Variants in TTC3 observed in about 807,000 individuals in gnomAD.
TTC3 encodes tetratricopeptide repeat domain 3.
In TTC3, 180 loss-of-function variants were observed where a neutral mutation model predicts 249.6. The observed-to-expected ratio is 0.72, with a 90% confidence interval of 0.64 to 0.82. The LOEUF is 0.82. TTC3 is among the 40% of genes least tolerant of loss of function. The pLI, the probability that TTC3 is intolerant of heterozygous loss-of-function variation, is 0.00. For synonymous variants in TTC3, 717 were observed against 805.0 expected, an observed-to-expected ratio of 0.89 and a Z score of 1.85; for missense variants, 2,061 against 2,398.4, an observed-to-expected ratio of 0.86 and a Z score of 2.94.
intron 1 of TTC3, chr21:37,086,855 G>A (rs1277170960): frequency 5.8e-6 from 1 of 170,974 alleles, no homozygotes. Context: ...GTAAAAGCAG[G>A]TAGGGTACAA....
chr21:37,088,736 TA>T, intron 4 of TTC3, 62 bp from the exon 5 acceptor site: 1 of 1,451,138 alleles, frequency 6.9e-7, no homozygotes. Flanking sequence ...TAGCTAAGCA[TA>T]AAGTTCAATG....
Position 37,169,129 on chromosome 21 carries a change from A to C in TTC3, c.4467+1509A>C, listed in dbSNP as rs1028281813. ...TAGATCAATCCACCAACCCTGATAC[A>C]TGGTAGGAGAGGTCTATACAAGGCT... On this transcript the variant is annotated intron_variant, in intron 34 of 45. Coordinates refer to ENST00000355666, the Ensembl canonical transcript of TTC3. Among the ~76,000 whole-genome samples, 5 of 152,266 alleles carry C rather than the reference A, an allele frequency of 3.3e-5. No homozygotes were observed. In the East Asian group the frequency reaches 7.7e-4, roughly 24 times the overall value.
chr21:37,121,836 A>T, exon 12 of TTC3: 1 of 1,603,794 alleles, frequency 6.2e-7, no homozygotes, highest in East Asian at 2.2e-5. Context: ...CGTTATTGTG[A>T]TGCTCTTTCT....
chr21:37,170,817 G>T (rs1389324017), intron 34 of TTC3, among the ~76,000 whole-genome samples: 5 of 152,124 alleles, frequency 3.3e-5, no homozygotes, highest in Non-Finnish European at 1.5e-5. Context: ...TTATGAAAGA[G>T]AAATTGAAAA....
chr21:37,135,463 T>C (rs2147936227), exon 18 of TTC3: 2 of 1,614,096 alleles, frequency 1.2e-6, no homozygotes, highest in Non-Finnish European at 8.5e-7. Context: ...GCCGCAGCGC[T>C]GCACAGGCCT....
intron 7 of TTC3, among the ~76,000 whole-genome samples, chr21:37,092,559 A>G (rs2073411247): frequency 1.3e-5 from 2 of 152,164 alleles, no homozygotes; most frequent in African/African-American, 4.8e-5. Flanking sequence ...ACTGACTTTG[A>G]GAGGTTAAGT....
intron 35 of TTC3, among the ~76,000 whole-genome samples, chr21:37,175,251 G>A (rs1303689021): frequency 6.4e-5 from 8 of 125,828 alleles, no homozygotes; most frequent in Admixed American, 6.2e-4. Context: ...ACAACAGAGC[G>A]AGACTGTGTC....
chr21:37,093,945 C>T, intron 7 of TTC3, 60 bp from the exon 8 acceptor site: 1 of 1,085,088 alleles, frequency 9.2e-7, no homozygotes, highest in Non-Finnish European at 1.4e-6. Flanking sequence ...ATTATCAATA[C>T]CAATTTGTTT....
At chr21:37,075,476 A>G (rs1266767167) in intron 1 of TTC3, among the ~76,000 whole-genome samples, 3 of 152,248 alleles carry the variant, frequency 2.0e-5, no homozygotes, top group African/African-American at 4.8e-5. Context: ...AATTTAACCA[A>G]GTATCACAGA....
chr21:37,175,597 C>G lies in TTC3; in HGVS notation c.4617+2853C>G, dbSNP rs913981603. 7.0e-5 allele frequency among the ~76,000 whole-genome samples: 3 copies of G among 42,852 alleles called. No homozygotes were observed. The Admixed American group carries it at 8.4e-4, about 12-fold the overall frequency. The allele number at this position is 42,852 out of a possible 152,430, so 28.1% of individuals were successfully genotyped here. A position where few individuals can be genotyped will look rare whatever the true frequency, so the allele number is the denominator to read the frequency against. On this transcript the variant is annotated intron_variant, in intron 35 of 45. Coordinates refer to ENST00000355666, the Ensembl canonical transcript of TTC3. ...GGGCGACAAGAGCTAGACTCCATCTCAAAAAAAAAAAAAAAAAAAAGAATG... is the reference window on the plus strand; with the variant it reads ...GGGCGACAAGAGCTAGACTCCATCTGAAAAAAAAAAAAAAAAAAAAGAATG...
intron 21 of TTC3, among the ~76,000 whole-genome samples, chr21:37,146,120 G>C (rs141203790): frequency 6.6e-6 from 1 of 152,324 alleles, no homozygotes; most frequent in East Asian, 1.9e-4. Flanking sequence ...AATAGCCCAA[G>C]TATTCGTGAG....
At chr21:37,152,393 T>G (rs1231207057) in intron 26 of TTC3, among the ~76,000 whole-genome samples, 2 of 145,620 alleles carry the variant, frequency 1.4e-5, no homozygotes, top group Non-Finnish European at 3.0e-5. Flanking sequence ...TTTTTTTTTG[T>G]TTTTTTTTTT....
chr21:37,180,926 A>C (rs186570864), intron 35 of TTC3, among the ~76,000 whole-genome samples: 106 of 152,260 alleles, frequency 7.0e-4, no homozygotes, highest in African/African-American at 2.5e-3. Context: ...GAGGTTTAAT[A>C]AAAAAGATAA....
intron 14 of TTC3, 70 bp downstream of exon 14, chr21:37,124,812 G>T: frequency 2.6e-6 from 4 of 1,540,130 alleles, no homozygotes; most frequent in Non-Finnish European, 3.5e-6. Flanking sequence ...TAATATTTTG[G>T]TGGTAATAGA....
intron 35 of TTC3, among the ~76,000 whole-genome samples, chr21:37,177,546 C>G (rs1488034315): frequency 6.6e-6 from 1 of 152,180 alleles, no homozygotes; most frequent in African/African-American, 2.4e-5. Flanking sequence ...TCCGCCTTCT[C>G]CCTTGCCAGT....
intron 11 of TTC3, among the ~76,000 whole-genome samples, chr21:37,112,901 A>G (rs1410224982): frequency 6.6e-6 from 1 of 152,248 alleles, no homozygotes; most frequent in Non-Finnish European, 1.5e-5. Flanking sequence ...GAAAATCAAT[A>G]AATGTAATCC....
intron 35 of TTC3, among the ~76,000 whole-genome samples, chr21:37,181,914 G>A (rs1194994916): frequency 6.6e-6 from 1 of 152,068 alleles, no homozygotes; most frequent in African/African-American, 2.4e-5. Context: ...AGTTCAGGCT[G>A]TAGGGAACCT....
intron 10 of TTC3, chr21:37,101,154 G>A (rs905167430): frequency 3.3e-5 from 5 of 152,186 alleles, no homozygotes; most frequent in Non-Finnish European, 7.3e-5. Flanking sequence ...TAAACTTGGT[G>A]TTTACTTGAA....
chr21:37,140,744 A>G (rs2078367560), intron 20 of TTC3, 71 bp downstream of exon 20: 1 of 1,038,562 alleles, frequency 9.6e-7, no homozygotes, highest in Non-Finnish European at 1.4e-6. Flanking sequence ...ATAATGATCC[A>G]TTTTCTAGAA....
Sources: gnomAD v4.1 joint callset for allele counts (sites outside exome capture counted in the v4.1 genomes callset) on GRCh38, gnomAD v4.1.1 for gene constraint, MANE v1.5 for transcripts, NCBI Gene and HGNC (gene_info 2026-07-23, HGNC 2026-07-21) for gene names.